LIMCH1: variants seen among roughly 807,000 people sequenced by gnomAD.
LIMCH1 encodes the protein LIM and calponin homology domains 1, also known as LIM and calponin homology domains-containing protein 1.
LIMCH1 carries 113 observed loss-of-function variants against 176.5 expected under a neutral mutation model. That is an observed-to-expected ratio of 0.64 (90% CI 0.55 to 0.75). The LOEUF (loss-of-function observed/expected upper bound fraction) is 0.75, where lower values mean the gene tolerates loss of function less well. Among genes scored for constraint, LIMCH1 ranks in the 30% least tolerant of loss-of-function variants. The probability of loss-of-function intolerance (pLI) is 0.00; values close to 1 mark genes in which losing one functional copy is unlikely to be tolerated. For synonymous variants in LIMCH1, 619 were observed against 645.9 expected (o/e 0.96, Z 0.63); for missense variants, 1,674 against 1,814.9 (o/e 0.92, Z 1.41).
chr4:41,566,105 A>G (rs1387721260), intron 1 of LIMCH1, among the ~76,000 whole-genome samples: 2 of 152,222 alleles, frequency 1.3e-5, no homozygotes, highest in Admixed American at 1.3e-4. Flanking sequence ...TAAAGTAGGC[A>G]TCCCTAGTGG....
Position 41,494,459 on chromosome 4 carries a change from A to G in LIMCH1, c.97-77A>G, listed in dbSNP as rs1167363395. 1.3e-5 allele frequency: 13 copies of G among 980,062 alleles called. No individual in the cohort carries two copies. In the African/African-American group the frequency reaches 1.8e-4, roughly 13 times the overall value. The allele number at this position is 980,062 out of a possible 1,614,324, so 60.7% of individuals were successfully genotyped here. On this transcript the variant is annotated intron_variant, in intron 1 of 26. Coordinates refer to the LIMCH1 transcript ENST00000313860. ...TATATATATGTACACACACATACAC[A>G]CACACATATATATATGATTGGACTT...
Position 41,631,519 on chromosome 4 carries a change from T to C in LIMCH1, c.1601+42T>C, listed in dbSNP as rs1358708776. Reference sequence around the variant, plus strand: ...GTGTGCAAGGATATCTGCATGGGAGTCACTGCTGCTTTTGTAGAGTTTGCT... The same window carrying C: ...GTGTGCAAGGATATCTGCATGGGAGCCACTGCTGCTTTTGTAGAGTTTGCT... On this transcript the variant is annotated intron_variant, in intron 10 of 31. Coordinates refer to ENST00000503057, the MANE Select transcript of LIMCH1 (RefSeq NM_001330672.2). 11 of 1,425,670 alleles carry C rather than the reference T, an allele frequency of 7.7e-6. No individual in the cohort carries two copies. In the African/African-American group the frequency reaches 1.6e-4, roughly 20 times the overall value. 88.3% of individuals were successfully genotyped at this position (1,425,670 alleles called of 1,614,324 possible).
chr4:41,454,212 G>A (rs2064247293), intron 1 of LIMCH1, among the ~76,000 whole-genome samples: 1 of 152,082 alleles, frequency 6.6e-6, no homozygotes, highest in African/African-American at 2.4e-5. Context: ...TTTATCCACT[G>A]CTACAATGTA....
intron 1 of LIMCH1, among the ~76,000 whole-genome samples, chr4:41,381,125 C>T (rs1418166170): frequency 6.6e-6 from 1 of 152,164 alleles, no homozygotes; most frequent in African/African-American, 2.4e-5. Context: ...GCACTGAATG[C>T]CCAAGGAAGA....
intron 1 of LIMCH1, among the ~76,000 whole-genome samples, chr4:41,446,234 G>T (rs927496789): frequency 2.0e-5 from 3 of 152,144 alleles, no homozygotes; most frequent in Admixed American, 6.6e-5. Context: ...GTGAGATTTG[G>T]GTGGCATGAT....
intron 1 of LIMCH1, among the ~76,000 whole-genome samples, chr4:41,438,672 C>T (rs542352561): frequency 6.6e-6 from 1 of 151,904 alleles, no homozygotes; most frequent in East Asian, 1.9e-4. Flanking sequence ...GCTTTTCAAA[C>T]TTCTGCAGTG....
At chr4:41,624,080 T>A (rs1427601135) in intron 7 of LIMCH1, among the ~76,000 whole-genome samples, 1 of 152,188 alleles carries the variant, frequency 6.6e-6, no homozygotes, top group Non-Finnish European at 1.5e-5. Flanking sequence ...AGAACCAAGA[T>A]GCACTTCCCC....
chr4:41,627,838 T>C (rs1448730853), intron 8 of LIMCH1, among the ~76,000 whole-genome samples: 1 of 152,228 alleles, frequency 6.6e-6, no homozygotes, highest in Non-Finnish European at 1.5e-5. Flanking sequence ...CATTATTGAA[T>C]TGTCATCTTT....
intron 15 of LIMCH1, among the ~76,000 whole-genome samples, chr4:41,645,140 G>T (rs2094004701): frequency 6.6e-6 from 1 of 152,184 alleles, no homozygotes; most frequent in South Asian, 2.1e-4. Flanking sequence ...GCTAGCGAGT[G>T]GGGGAGCCAG....
intron 1 of LIMCH1, among the ~76,000 whole-genome samples, chr4:41,442,697 T>A (rs1348494931): frequency 6.6e-6 from 1 of 152,228 alleles, no homozygotes; most frequent in East Asian, 1.9e-4. Flanking sequence ...AAATATAGCT[T>A]CACACAGATG....
At chr4:41,437,428 T>C (rs1022650376) in intron 1 of LIMCH1, among the ~76,000 whole-genome samples, 4 of 152,242 alleles carry the variant, frequency 2.6e-5, no homozygotes, top group African/African-American at 9.6e-5. Context: ...TCTGAACCAT[T>C]GTAAGTGGTG....
intron 1 of LIMCH1, among the ~76,000 whole-genome samples, chr4:41,448,011 A>G (rs577479868): frequency 6.6e-6 from 1 of 152,134 alleles, no homozygotes; most frequent in Non-Finnish European, 1.5e-5. Flanking sequence ...GGCTGGTCTC[A>G]AACTCCTGAC....
At chr4:41,696,385 T>C (rs1453294709) in intron 31 of LIMCH1, among the ~76,000 whole-genome samples, 1 of 152,164 alleles carries the variant, frequency 6.6e-6, no homozygotes, top group Non-Finnish European at 1.5e-5. Flanking sequence ...ATGTTGCAAT[T>C]GCCTCATCAC....
chr4:41,585,109 G>A (rs373101320), intron 1 of LIMCH1, among the ~76,000 whole-genome samples: 4 of 152,044 alleles, frequency 2.6e-5, no homozygotes, highest in Admixed American at 6.5e-5. Flanking sequence ...CACATTGATC[G>A]GCACAAACAT....
chr4:41,601,689 G>A (rs2089954298), intron 2 of LIMCH1, among the ~76,000 whole-genome samples: 1 of 152,150 alleles, frequency 6.6e-6, no homozygotes, highest in African/African-American at 2.4e-5. Context: ...TTAAAATGAT[G>A]CTATAAATTC....
chr4:41,394,512 C>T lies in LIMCH1; in HGVS notation c.96+33576C>T, dbSNP rs117092832. On this transcript the variant is annotated intron_variant, in intron 1 of 26. Transcript: ENST00000313860. Reference sequence around the variant, plus strand: ...GCTGTAAAAGCTGTGCAGCTGTACTCTGGGGCTTGGTATTTAAAACCTTTG... The same window carrying T: ...GCTGTAAAAGCTGTGCAGCTGTACTTTGGGGCTTGGTATTTAAAACCTTTG... Among the ~76,000 whole-genome samples the T allele has an allele frequency of 8.5e-4, 129 of 152,230 alleles. No individual in the cohort carries two copies. The East Asian group carries it at 0.023, about 28-fold the overall frequency.
intron 1 of LIMCH1, among the ~76,000 whole-genome samples, chr4:41,568,644 T>C (rs2083091424): frequency 6.6e-6 from 1 of 152,212 alleles, no homozygotes; most frequent in African/African-American, 2.4e-5. Flanking sequence ...TGATGAAATG[T>C]CTGTGGATAT....
intron 1 of LIMCH1, among the ~76,000 whole-genome samples, chr4:41,589,336 G>A (rs1311180947): frequency 6.6e-6 from 1 of 152,186 alleles, no homozygotes; most frequent in Non-Finnish European, 1.5e-5. Flanking sequence ...TGGCATGTCT[G>A]AGGACCAGTG....
intron 1 of LIMCH1, among the ~76,000 whole-genome samples, chr4:41,564,263 A>T (rs1292318302): frequency 1.3e-5 from 2 of 152,142 alleles, no homozygotes; most frequent in African/African-American, 4.8e-5. Context: ...TAGAATTCAG[A>T]TAGCTAAATC....
Sources: gnomAD v4.1 joint callset for allele counts (sites outside exome capture counted in the v4.1 genomes callset) on GRCh38, gnomAD v4.1.1 for gene constraint, MANE v1.5 for transcripts, NCBI Gene and HGNC (gene_info 2026-07-23, HGNC 2026-07-21) for gene names.